The following IKZF2 variants were observed in gnomAD, a reference collection of about 807,000 sequenced individuals.
IKZF2 encodes zinc finger protein Helios.
Under a neutral mutation model 49.2 loss-of-function variants are expected in IKZF2, and 15 were observed. The ratio of observed to expected loss-of-function variants is 0.30; its 90% CI spans 0.20 to 0.47. IKZF2 has a LOEUF of 0.47. Ranked by LOEUF, IKZF2 falls within the 20% of genes least tolerant of loss-of-function variation. The pLI is 1.00. For missense variants in IKZF2, 567 were observed against 664.6 expected, an observed-to-expected ratio of 0.85 and a Z score of 1.61; for synonymous variants, 227 against 221.4, an observed-to-expected ratio of 1.03 and a Z score of -0.23.
At chr2:213,151,822 CGAGCGCCTGTGCGTGTGTGTATGA>C (rs2061291669), upstream of IKZF2, among the ~76,000 whole-genome samples, 1 of 148,626 alleles carries the variant, frequency 6.7e-6, no homozygotes, top group Non-Finnish European at 1.5e-5. Context: ...GTGCGGGGCC[CGAGCGCCTGTGCGTGTGTGTATGA>C]GAGCGCGTGT....
intron 4 of IKZF2, among the ~76,000 whole-genome samples, chr2:213,077,797 C>G (rs1397544727): frequency 6.6e-6 from 1 of 151,894 alleles, no homozygotes; most frequent in Non-Finnish European, 1.5e-5. Context: ...ACCGTGTTAG[C>G]CAGGATGGTC....
At chr2:213,099,997 A>C (rs536886708) in intron 4 of IKZF2, among the ~76,000 whole-genome samples, 2 of 152,232 alleles carry the variant, frequency 1.3e-5, no homozygotes, top group East Asian at 3.9e-4. Flanking sequence ...GGTTATCCAC[A>C]TAAGTTACTA....
At chr2:213,019,422 G>A (rs1281262356) in intron 7 of IKZF2, among the ~76,000 whole-genome samples, 4 of 152,142 alleles carry the variant, frequency 2.6e-5, no homozygotes, top group Non-Finnish European at 4.4e-5. Context: ...GTATGTTAAT[G>A]ATGAACTCTA....
chr2:213,049,963 G>T, intron 5 of IKZF2, 83 bp from the exon 6 acceptor site: 2 of 956,364 alleles, frequency 2.1e-6, no homozygotes, highest in Non-Finnish European at 2.9e-6. Flanking sequence ...ACCAAAGCCA[G>T]TTCTCTATGC....
chr2:213,038,551 G>A (rs978072501), intron 6 of IKZF2, among the ~76,000 whole-genome samples: 1 of 150,404 alleles, frequency 6.6e-6, no homozygotes, highest in African/African-American at 2.5e-5. Context: ...CACTGAAGAA[G>A]TTATTTATGT....
rs1704970976 is a variant in IKZF2, at chr2:213,088,806, A to G, written c.140-31707T>C. Among the ~76,000 whole-genome samples the G allele has an allele frequency of 2.0e-5, 3 of 152,216 alleles. No homozygotes were observed. The South Asian group carries it at 6.2e-4, about 31-fold the overall frequency. On this transcript the variant is annotated intron_variant, in intron 4 of 8. Coordinates refer to ENST00000434687, the MANE Select transcript of IKZF2 (RefSeq NM_001387220.1). Reference sequence around the variant, plus strand: ...CATTTTACCAAAATTAATAACAACAATAATGGAAGATATTTATTAGGTGCT... The same window carrying G: ...CATTTTACCAAAATTAATAACAACAGTAATGGAAGATATTTATTAGGTGCT...
At chr2:213,073,196 T>C (rs191038396) in intron 4 of IKZF2, among the ~76,000 whole-genome samples, 12 of 152,200 alleles carry the variant, frequency 7.9e-5, no homozygotes, top group Admixed American at 5.9e-4. Flanking sequence ...ACATCACAAA[T>C]AAAAGTTAAT....
chr2:213,049,669 T>C (rs1211754965), intron 6 of IKZF2, 44 bp downstream of exon 6: 1 of 1,460,258 alleles, frequency 6.8e-7, no homozygotes, highest in African/African-American at 1.4e-5. Flanking sequence ...CTCTTCTAAG[T>C]TTTCCTGTTT....
At chr2:213,123,790 G>C (rs989995001) in intron 4 of IKZF2, among the ~76,000 whole-genome samples, 3 of 152,060 alleles carry the variant, frequency 2.0e-5, no homozygotes, top group African/African-American at 7.2e-5. Context: ...ACTACACCTA[G>C]AGCATCATTC....
At chr2:213,030,947 T>C (rs573780189) in intron 6 of IKZF2, among the ~76,000 whole-genome samples, 3 of 152,006 alleles carry the variant, frequency 2.0e-5, no homozygotes, top group Non-Finnish European at 2.9e-5. Context: ...AGCCTCAGCC[T>C]CCTGAGTAGC....
intron 6 of IKZF2, among the ~76,000 whole-genome samples, chr2:213,033,667 C>CTTACA (rs3069567): frequency 6.6e-6 from 1 of 151,798 alleles, no homozygotes; most frequent in Non-Finnish European, 1.5e-5. Flanking sequence ...AAACAATAGG[C>CTTACA]TTATTCACTA....
At chr2:213,068,663 G>A (rs183410653) in intron 4 of IKZF2, among the ~76,000 whole-genome samples, 3 of 152,064 alleles carry the variant, frequency 2.0e-5, no homozygotes, top group South Asian at 2.1e-4. Context: ...TATTTGAAAC[G>A]TCTGGGCATG....
chr2:213,039,587 T>A (rs1367172264), intron 6 of IKZF2, among the ~76,000 whole-genome samples: 1 of 152,074 alleles, frequency 6.6e-6, no homozygotes, highest in Admixed American at 6.5e-5. Flanking sequence ...GTAAGATAGA[T>A]ACATGTTCAG....
At chr2:213,078,006 G>C (rs1379797936) in intron 4 of IKZF2, among the ~76,000 whole-genome samples, 2 of 152,040 alleles carry the variant, frequency 1.3e-5, no homozygotes, top group Non-Finnish European at 2.9e-5. Context: ...GGTTAGAGTA[G>C]AAGATTGCAT....
intron 4 of IKZF2, 102 bp from the exon 5 acceptor site, chr2:213,057,201 A>G (rs1701246991): frequency 9.8e-7 from 1 of 1,023,084 alleles, no homozygotes; most frequent in Non-Finnish European, 1.4e-6. Flanking sequence ...GATGAAAATG[A>G]TATATAAAGT....
intron 7 of IKZF2, chr2:213,021,673 C>A: frequency 2.2e-6 from 1 of 448,212 alleles, no homozygotes; most frequent in Admixed American, 2.8e-5. Flanking sequence ...ATAACCAATT[C>A]ATTCTTTTAG....
Position 213,142,303 on chromosome 2 carries a change from G to A in IKZF2, c.139+5405C>T, listed in dbSNP as rs371778867. ...AATCTTCATAGATGCTTTAAATAAC[G>A]GAGGGTTCCTGCTTCAATTTTTACC... On this transcript the variant is annotated intron_variant, in intron 4 of 8. Coordinates refer to ENST00000434687, the MANE Select transcript of IKZF2 (RefSeq NM_001387220.1). Among the ~76,000 whole-genome samples the A allele has an allele frequency of 9.6e-4, 145 of 151,736 alleles. 1 individual carries two copies. Among genetic ancestry groups the A allele is most frequent in the African/African-American group, 3.3e-3 (135 of 41,388 alleles).
At chr2:213,136,242 G>A (rs1448967077) in intron 4 of IKZF2, among the ~76,000 whole-genome samples, 1 of 141,064 alleles carries the variant, frequency 7.1e-6, no homozygotes, top group East Asian at 2.2e-4. Flanking sequence ...GTGGTGATGG[G>A]CGCCTGTAAT....
At chr2:213,108,063 C>T (rs1015710581) in intron 4 of IKZF2, among the ~76,000 whole-genome samples, 6 of 152,024 alleles carry the variant, frequency 3.9e-5, no homozygotes, top group East Asian at 1.9e-4. Context: ...GGGAAAAAAA[C>T]GATTGAAATT....
Sources: gnomAD v4.1 joint callset for allele counts (sites outside exome capture counted in the v4.1 genomes callset) on GRCh38, gnomAD v4.1.1 for gene constraint, MANE v1.5 for transcripts, NCBI Gene and HGNC (gene_info 2026-07-23, HGNC 2026-07-21) for gene names.